The following STPG2 variants were observed in gnomAD, a reference collection of about 807,000 sequenced individuals.
The protein encoded by STPG2 is sperm-tail PG-rich repeat-containing protein 2.
Under a neutral mutation model 54.2 loss-of-function variants are expected in STPG2, and 56 were observed. That is an observed-to-expected ratio of 1.03 (90% CI 0.83 to 1.29). The LOEUF (loss-of-function observed/expected upper bound fraction) is 1.29. STPG2 is among the 50% of genes most tolerant of loss of function. The pLI, the probability that STPG2 is intolerant of heterozygous loss-of-function variation, is 0.00. For missense variants in STPG2, 596 were observed against 544.9 expected, an observed-to-expected ratio of 1.09 and a Z score of -0.93; for synonymous variants, 200 against 181.8, an observed-to-expected ratio of 1.10 and a Z score of -0.81.
chr4:97,847,846 C>T (rs1027030149), intron 8 of STPG2, among the ~76,000 whole-genome samples: 2 of 152,252 alleles, frequency 1.3e-5, no homozygotes, highest in South Asian at 2.1e-4. Context: ...ACCTTTCTCT[C>T]GCATATCTAA....
intron 8 of STPG2, among the ~76,000 whole-genome samples, chr4:97,866,178 A>T (rs113263378): frequency 2.0e-5 from 3 of 152,090 alleles, no homozygotes; most frequent in African/African-American, 7.2e-5. Flanking sequence ...CTATAATAGT[A>T]TTTGATAGTA....
chr4:97,680,380 G>A (rs562085285), intron 10 of STPG2, among the ~76,000 whole-genome samples: 39 of 151,632 alleles, frequency 2.6e-4, no homozygotes, highest in Non-Finnish European at 3.8e-4. Context: ...TTTTATTCTC[G>A]TTGAAGCAAT....
At chr4:98,114,765 T>TTGTG (rs1201249521) in intron 3 of STPG2, among the ~76,000 whole-genome samples, 5 of 148,778 alleles carry the variant, frequency 3.4e-5, no homozygotes, top group African/African-American at 7.4e-5. Context: ...TTTTTTTTTT[T>TTGTG]TGTGTGTGTG....
intron 4 of STPG2, among the ~76,000 whole-genome samples, chr4:97,497,878 T>C (rs1730644150): frequency 6.6e-6 from 1 of 151,774 alleles, no homozygotes; most frequent in African/African-American, 2.4e-5. Context: ...TATCCCTAGG[T>C]TTTCTATTAT....
intron 10 of STPG2, among the ~76,000 whole-genome samples, chr4:97,561,348 T>C (rs879047679): frequency 2.6e-5 from 4 of 152,172 alleles, no homozygotes; most frequent in Non-Finnish European, 5.9e-5. Context: ...TGGATATTAG[T>C]CCTTTGTCAG....
At chr4:97,755,885 G>A (rs1381081724) in intron 9 of STPG2, among the ~76,000 whole-genome samples, 13 of 152,162 alleles carry the variant, frequency 8.5e-5, no homozygotes, top group Admixed American at 8.5e-4. Flanking sequence ...AAGACAGCCT[G>A]ATGAAAAATT....
chr4:98,140,879 G>T (rs2110173566), intron 1 of STPG2, among the ~76,000 whole-genome samples: 1 of 152,262 alleles, frequency 6.6e-6, no homozygotes, highest in African/African-American at 2.4e-5. Flanking sequence ...GAAAGATTAG[G>T]AGAAAGCTCA....
At chr4:98,095,498 C>A (rs1415469187) in intron 5 of STPG2, among the ~76,000 whole-genome samples, 1 of 151,802 alleles carries the variant, frequency 6.6e-6, no homozygotes, top group African/African-American at 2.4e-5. Flanking sequence ...CAATGGAAGC[C>A]AAAAAAGAGC....
intron 9 of STPG2, among the ~76,000 whole-genome samples, chr4:97,788,326 T>C (rs1310317689): frequency 6.6e-6 from 1 of 152,122 alleles, no homozygotes; most frequent in Non-Finnish European, 1.5e-5. Context: ...CAACATGCAG[T>C]CTGTCTTTCT....
intron 8 of STPG2, among the ~76,000 whole-genome samples, chr4:97,851,639 T>G (rs781090460): frequency 6.6e-6 from 1 of 152,182 alleles, no homozygotes; most frequent in Admixed American, 6.6e-5. Context: ...AGAAACGATA[T>G]AGAAGTAGAA....
At chr4:97,497,331 G>T (rs1422681499) in intron 4 of STPG2, among the ~76,000 whole-genome samples, 4 of 151,666 alleles carry the variant, frequency 2.6e-5, no homozygotes, top group African/African-American at 9.7e-5. Flanking sequence ...ACTTAAAAAT[G>T]TCAATTATTT....
At chr4:97,896,300 T>G (rs1560576123) in intron 8 of STPG2, among the ~76,000 whole-genome samples, 1 of 151,698 alleles carries the variant, frequency 6.6e-6, no homozygotes, top group African/African-American at 2.4e-5. Context: ...TAATATAAAA[T>G]TTTGTGTCTA....
At chr4:97,641,257 A>T (rs1205571622) in intron 10 of STPG2, among the ~76,000 whole-genome samples, 2 of 151,694 alleles carry the variant, frequency 1.3e-5, no homozygotes, top group Admixed American at 6.6e-5. Context: ...GCTAGAACTA[A>T]GAAGTTAATT....
At chr4:97,775,117 AG>A (rs1227059076) in intron 9 of STPG2, among the ~76,000 whole-genome samples, 4 of 152,372 alleles carry the variant, frequency 2.6e-5, no homozygotes, top group African/African-American at 7.2e-5. Context: ...TGTGATAAAA[AG>A]GGCGCATAAA....
At chr4:97,609,658 C>T (rs1733684966) in intron 10 of STPG2, among the ~76,000 whole-genome samples, 2 of 151,768 alleles carry the variant, frequency 1.3e-5, no homozygotes, top group African/African-American at 2.4e-5. Flanking sequence ...GTTTGTAATG[C>T]CCTATAAAAA....
intron 5 of STPG2, among the ~76,000 whole-genome samples, chr4:98,090,797 C>A (rs886294650): frequency 1.3e-5 from 2 of 151,900 alleles, no homozygotes; most frequent in Non-Finnish European, 2.9e-5. Flanking sequence ...CACTAAATAT[C>A]CCAGATTAAG....
At chr4:97,451,037 G>A (rs1205702193) in intron 4 of STPG2, among the ~76,000 whole-genome samples, 1 of 152,104 alleles carries the variant, frequency 6.6e-6, no homozygotes, top group African/African-American at 2.4e-5. Context: ...AATGTTCAGA[G>A]GGGGAAGTAT....
At chr4:97,527,881 T>C (rs1353987075) in intron 4 of STPG2, among the ~76,000 whole-genome samples, 3 of 152,178 alleles carry the variant, frequency 2.0e-5, no homozygotes, top group African/African-American at 7.2e-5. Flanking sequence ...TTATATTTCT[T>C]GTAGATTCTG....
At chr4:97,846,895 T>A (rs541098616) in intron 8 of STPG2, among the ~76,000 whole-genome samples, 1 of 152,288 alleles carries the variant, frequency 6.6e-6, no homozygotes, top group Admixed American at 6.6e-5. Flanking sequence ...TGCATATATA[T>A]CTTATAACTT....
Sources: gnomAD v4.1 joint callset for allele counts (sites outside exome capture counted in the v4.1 genomes callset) on GRCh38, gnomAD v4.1.1 for gene constraint, MANE v1.5 for transcripts, NCBI Gene and HGNC (gene_info 2026-07-23, HGNC 2026-07-21) for gene names.